Variants in SLC25A26 observed in about 807,000 individuals in gnomAD.
SLC25A26 encodes solute carrier family 25 member 26.
Under a neutral mutation model 37.8 loss-of-function variants are expected in SLC25A26, and 36 were observed. That is an observed-to-expected ratio of 0.95 (90% confidence interval 0.73 to 1.26). SLC25A26 has a LOEUF of 1.26. Among genes scored for constraint, SLC25A26 ranks in the 50% most tolerant of loss-of-function variants. The pLI is 0.00. For synonymous variants in SLC25A26, 129 were observed against 122.5 expected, an observed-to-expected ratio of 1.05 and a Z score of -0.35; for missense variants, 390 against 331.1, an observed-to-expected ratio of 1.18 and a Z score of -1.38.
intron 1 of SLC25A26, among the ~76,000 whole-genome samples, chr3:66,151,540 C>T (rs565836183): frequency 3.2e-4 from 49 of 152,330 alleles, no homozygotes; most frequent in African/African-American, 9.9e-4. Flanking sequence ...CCCTTAGCCA[C>T]CCCTTTAAGC....
intron 5 of SLC25A26, among the ~76,000 whole-genome samples, chr3:66,286,982 A>G (rs1049139568): frequency 4.0e-5 from 6 of 151,784 alleles, no homozygotes; most frequent in Non-Finnish European, 8.8e-5. Context: ...TTTTTAATTG[A>G]TATGATGGCT....
rs1402931503 is a variant in SLC25A26, at chr3:66,300,258, T to TG, written c.453+36879_453+36880insG. Reference sequence around the variant, plus strand: ...CTAGGCTAGGGTTTTTTTGTTTTGTTTTTTTTTTTTTTTTTGGTGTTATAC... The same window carrying TG: ...CTAGGCTAGGGTTTTTTTGTTTTGTTGTTTTTTTTTTTTTTTGGTGTTATAC... On this transcript the variant is annotated intron_variant, in intron 5 of 9. Coordinates refer to ENST00000354883, the MANE Select transcript of SLC25A26 (RefSeq NM_001379210.1). Among the ~76,000 whole-genome samples, 196 of 131,540 alleles carry TG rather than the reference T, an allele frequency of 1.5e-3. 3 individuals carry two copies. Among genetic ancestry groups the TG allele is most frequent in the African/African-American group, 6.7e-3 (184 of 27,330 alleles). The allele number at this position is 131,540 out of a possible 152,430, so 86.3% of individuals were successfully genotyped here.
At chr3:66,263,722 G>A (rs929563736) in intron 5 of SLC25A26, among the ~76,000 whole-genome samples, 4 of 152,118 alleles carry the variant, frequency 2.6e-5, no homozygotes, top group East Asian at 2.0e-4. Context: ...GCAGTGGCGC[G>A]ATCTCGGCTC....
chr3:66,236,475 C>T (rs2072291068), intron 1 of SLC25A26, 69 bp from the exon 2 acceptor site: 1 of 1,290,330 alleles, frequency 7.7e-7, no homozygotes. Flanking sequence ...TCTTCGCCCC[C>T]AAGTGGCCGA....
intron 1 of SLC25A26, among the ~76,000 whole-genome samples, chr3:66,195,376 A>T (rs1576631572): frequency 1.3e-5 from 2 of 152,148 alleles, no homozygotes; most frequent in East Asian, 1.9e-4. Flanking sequence ...TTCTCCAGGA[A>T]CCCGCGGTAG....
At chr3:66,363,505 T>C (rs1370410854) in intron 7 of SLC25A26, among the ~76,000 whole-genome samples, 1 of 152,236 alleles carries the variant, frequency 6.6e-6, no homozygotes, top group Admixed American at 6.5e-5. Context: ...TACCGTGTTA[T>C]CCATCACTAA....
chr3:66,342,358 G>A (rs1021733557), intron 5 of SLC25A26, among the ~76,000 whole-genome samples: 1 of 151,998 alleles, frequency 6.6e-6, no homozygotes, highest in Non-Finnish European at 1.5e-5. Flanking sequence ...TAGATCACCC[G>A]TGGTGGCATT....
chr3:66,298,054 G>T (rs2074961759), intron 5 of SLC25A26, among the ~76,000 whole-genome samples: 1 of 152,184 alleles, frequency 6.6e-6, no homozygotes, highest in African/African-American at 2.4e-5. Context: ...CTAGGAACTT[G>T]CTAGAAATGC....
At position 66,306,550 on chromosome 3, in the gene SLC25A26, T is replaced by TA. The variant is rs537830880; in HGVS notation, c.454-39813dup. ...ACATGTGCACAACGTGCAGGTTTGT[T>TA]ACATAGGTATACATGTGCCATGGTG... On this transcript the variant is annotated intron_variant, in intron 5 of 9. Coordinates refer to ENST00000354883, the MANE Select transcript of SLC25A26 (RefSeq NM_001379210.1). Among the ~76,000 whole-genome samples the TA allele has an allele frequency of 3.9e-5, 6 of 152,320 alleles. No individual in the cohort carries two copies. The South Asian group carries it at 1.2e-3, about 32-fold the overall frequency.
At chr3:66,288,679 G>A (rs1473296458) in intron 5 of SLC25A26, among the ~76,000 whole-genome samples, 3 of 152,142 alleles carry the variant, frequency 2.0e-5, no homozygotes, top group African/African-American at 4.8e-5. Context: ...TGGCTGCATA[G>A]TATTCAATGA....
chr3:66,275,560 A>G (rs2074113079), intron 5 of SLC25A26, among the ~76,000 whole-genome samples: 1 of 152,062 alleles, frequency 6.6e-6, no homozygotes. Flanking sequence ...CCAATGACTT[A>G]ATCATACTTG....
intron 3 of SLC25A26, among the ~76,000 whole-genome samples, chr3:66,252,089 G>T (rs1335027073): frequency 2.6e-5 from 4 of 152,160 alleles, no homozygotes; most frequent in Non-Finnish European, 5.9e-5. Flanking sequence ...CATTGTAAAT[G>T]GAAAGACTGA....
At chr3:66,373,893 C>G (rs1207960146) in intron 9 of SLC25A26, among the ~76,000 whole-genome samples, 1 of 152,016 alleles carries the variant, frequency 6.6e-6, no homozygotes, top group Non-Finnish European at 1.5e-5. Flanking sequence ...GCTCAGCCTC[C>G]CCCAACAGCT....
intron 1 of SLC25A26, among the ~76,000 whole-genome samples, chr3:66,202,413 T>C (rs1317344830): frequency 6.6e-6 from 1 of 151,498 alleles, no homozygotes; most frequent in Non-Finnish European, 1.5e-5. Flanking sequence ...ACCAAATGCA[T>C]GTGGGGCTTA....
Position 66,263,386 on chromosome 3 carries a change from C to A in SLC25A26, c.453+7C>A. On this transcript the variant is annotated splice_region_variant and intron_variant, in intron 5 of 9. Coordinates refer to ENST00000354883, the MANE Select transcript of SLC25A26 (RefSeq NM_001379210.1). ...AAGCACAGTTTTAAGAGAGGTAAGT[C>A]ACTTACTTTCCAATATTGAAGTACG... 6.3e-7 allele frequency: 1 copy of A among 1,590,268 alleles called. No individual in the cohort carries two copies. The highest frequency in any genetic ancestry group is 1.1e-5 in the South Asian group (1 of 89,436).
chr3:66,308,367 G>T (rs1329823997), intron 5 of SLC25A26, among the ~76,000 whole-genome samples: 4 of 152,198 alleles, frequency 2.6e-5, no homozygotes, highest in Non-Finnish European at 5.9e-5. Flanking sequence ...CTGAGACTTT[G>T]CTGAAGTTGC....
chr3:66,184,685 C>A (rs2070792330), intron 1 of SLC25A26, among the ~76,000 whole-genome samples: 1 of 45,126 alleles, frequency 2.2e-5, no homozygotes, highest in Admixed American at 1.4e-4. Flanking sequence ...AATTGGCCCT[C>A]ATCTGGCCCT....
At chr3:66,304,309 T>G (rs2075156396) in intron 5 of SLC25A26, 3 of 400,796 alleles carry the variant, frequency 7.5e-6, no homozygotes, top group Non-Finnish European at 1.5e-5. Context: ...CTTGGGGGCC[T>G]CCCACAATGC....
intron 6 of SLC25A26, chr3:66,355,975 A>G (rs1216182483): frequency 4.4e-6 from 2 of 454,770 alleles, no homozygotes; most frequent in African/African-American, 2.0e-5. Flanking sequence ...TTCTGTGCAC[A>G]TACTTATTTT....
Sources: allele counts gnomAD v4.1 joint callset (sites outside exome capture counted in the v4.1 genomes callset), GRCh38; gene constraint gnomAD v4.1.1; transcripts MANE v1.5; gene names NCBI Gene and HGNC (gene_info 2026-07-23, HGNC 2026-07-21).